RBFOX1: variants seen among roughly 807,000 people sequenced by gnomAD.
RBFOX1 encodes RNA binding protein fox-1 homolog 1.
A neutral mutation model predicts 57.7 loss-of-function variants in RBFOX1; 8 were observed. The ratio of observed to expected loss-of-function variants is 0.14; its 90% CI spans 0.08 to 0.25. RBFOX1 has a LOEUF of 0.25. Ranked by LOEUF, RBFOX1 falls within the 10% of genes least tolerant of loss-of-function variation. RBFOX1 has a pLI of 1.00. For missense variants in RBFOX1, 611 were observed against 548.5 expected (o/e 1.11, Z -1.14); for synonymous variants, 326 against 222.4 (o/e 1.47, Z -4.15).
At chr16:7,184,549 CAT>C (rs2083347899) in intron 4 of RBFOX1, among the ~76,000 whole-genome samples, 1 of 152,206 alleles carries the variant, frequency 6.6e-6, no homozygotes, top group African/African-American at 2.4e-5. Flanking sequence ...TGAAGTATGA[CAT>C]ATTGGCTGTG....
intron 5 of RBFOX1, among the ~76,000 whole-genome samples, chr16:7,563,346 A>C (rs2090882009): frequency 6.6e-6 from 1 of 152,248 alleles, no homozygotes; most frequent in Non-Finnish European, 1.5e-5. Flanking sequence ...AGAGAGGTTA[A>C]GTAACCTGCT....
rs986317734 is a variant in RBFOX1 at position 5,316,705 on chromosome 16, A to G, written c.219+76600A>G. 2.0e-5 allele frequency among the ~76,000 whole-genome samples: 3 copies of G among 152,214 alleles called. No homozygotes were observed. The East Asian group carries it at 5.8e-4, about 29-fold the overall frequency. ...TAGCTGGTGAAGCACTTTGTATTCT[A>G]AACCATTGCATTAATTATTCTCAAC... is the stretch of plus-strand genomic sequence containing the variant. On this transcript the variant is annotated intron_variant, in intron 1 of 2. Transcript: ENST00000585867.
chr16:5,867,537 C>T (rs966263613), intron 4 of RBFOX1, among the ~76,000 whole-genome samples: 5 of 151,852 alleles, frequency 3.3e-5, no homozygotes, highest in Non-Finnish European at 5.9e-5. Context: ...ATGGAGTGTG[C>T]GTGGTAAAGA....
intron 1 of RBFOX1, among the ~76,000 whole-genome samples, chr16:5,329,968 G>A (rs1596538985): frequency 1.5e-5 from 2 of 135,084 alleles, no homozygotes; most frequent in African/African-American, 5.5e-5. Flanking sequence ...GGGTGACAGA[G>A]CGAGACTCTG....
chr16:7,125,246 T>C (rs776481347), intron 4 of RBFOX1, among the ~76,000 whole-genome samples: 2 of 152,104 alleles, frequency 1.3e-5, no homozygotes, highest in Non-Finnish European at 2.9e-5. Flanking sequence ...AGATAGAACT[T>C]TGGGGTTGTC....
chr16:7,308,241 T>C (rs957786266), intron 4 of RBFOX1, among the ~76,000 whole-genome samples: 5 of 151,642 alleles, frequency 3.3e-5, no homozygotes, highest in Non-Finnish European at 7.4e-5. Flanking sequence ...ACAGACAGGA[T>C]GGATGATGAG....
chr16:7,089,642 T>C (rs1459708032), intron 4 of RBFOX1, among the ~76,000 whole-genome samples: 1 of 152,202 alleles, frequency 6.6e-6, no homozygotes, highest in Non-Finnish European at 1.5e-5. Flanking sequence ...CTCTTACATA[T>C]GTACATATTT....
At chr16:5,409,973 G>A (rs1447474062) in intron 1 of RBFOX1, among the ~76,000 whole-genome samples, 3 of 151,622 alleles carry the variant, frequency 2.0e-5, no homozygotes, top group Admixed American at 6.6e-5. Context: ...ATTTGATCCC[G>A]GGAGGCAGAG....
At chr16:7,303,611 G>A (rs2096086593) in intron 4 of RBFOX1, among the ~76,000 whole-genome samples, 1 of 152,068 alleles carries the variant, frequency 6.6e-6, no homozygotes, top group African/African-American at 2.4e-5. Context: ...GAAGGGGAGG[G>A]AAGGAAAAAA....
At chr16:7,340,594 A>C (rs2096873487) in intron 4 of RBFOX1, among the ~76,000 whole-genome samples, 1 of 152,192 alleles carries the variant, frequency 6.6e-6, no homozygotes, top group Non-Finnish European at 1.5e-5. Flanking sequence ...CACAATAATC[A>C]GTGCAAGATT....
intron 3 of RBFOX1, among the ~76,000 whole-genome samples, chr16:5,769,272 T>G (rs1410440048): frequency 6.6e-6 from 1 of 151,962 alleles, no homozygotes; most frequent in African/African-American, 2.4e-5. Context: ...AGACAGGGTG[T>G]TTATGGAGCT....
chr16:7,158,314 C>T (rs73546736), intron 4 of RBFOX1, among the ~76,000 whole-genome samples: 1 of 152,122 alleles, frequency 6.6e-6, no homozygotes, highest in Admixed American at 6.5e-5. Flanking sequence ...TCACTGCACT[C>T]TACCCTGGTC....
At chr16:5,419,360 G>T (rs950377391) in intron 1 of RBFOX1, among the ~76,000 whole-genome samples, 1 of 152,108 alleles carries the variant, frequency 6.6e-6, no homozygotes, top group Non-Finnish European at 1.5e-5. Flanking sequence ...CATCCAGCAC[G>T]AGAGAAAGAT....
chr16:6,934,929 T>C (rs2077126002), intron 3 of RBFOX1, among the ~76,000 whole-genome samples: 1 of 151,732 alleles, frequency 6.6e-6, no homozygotes, highest in African/African-American at 2.4e-5. Context: ...CTACCAAAAA[T>C]AGAAAAAAAT....
intron 3 of RBFOX1, among the ~76,000 whole-genome samples, chr16:6,691,076 C>CG (rs1227940888): frequency 1.3e-5 from 2 of 152,008 alleles, no homozygotes; most frequent in East Asian, 3.9e-4. Flanking sequence ...GTTAACATGA[C>CG]GATGTCACTG....
In RBFOX1 at chr16:6,052,092, C is replaced by A. The variant is rs966249534; in HGVS notation, c.-127+32100C>A. On this transcript the variant is annotated intron_variant, in intron 1 of 15. Transcript: ENST00000550418. ...ACAGGAAAGCAAAATAAAACCAAAA[C>A]TGGTCCTGCCATGCCCTTGTTCAGA... 6.6e-5 allele frequency among the ~76,000 whole-genome samples: 10 copies of A among 152,158 alleles called. No homozygotes were observed. The South Asian group carries it at 1.7e-3, about 25-fold the overall frequency.
At chr16:6,147,736 A>G (rs530340995) in intron 1 of RBFOX1, among the ~76,000 whole-genome samples, 6 of 152,352 alleles carry the variant, frequency 3.9e-5, no homozygotes, top group African/African-American at 7.2e-5. Flanking sequence ...CAGTCCTCGC[A>G]CCAAAATCTT....
intron 2 of RBFOX1, among the ~76,000 whole-genome samples, chr16:6,478,939 T>C (rs967332689): frequency 6.6e-5 from 10 of 152,110 alleles, no homozygotes; most frequent in African/African-American, 1.2e-4. Flanking sequence ...CCAAATGTGA[T>C]ACAAAAACAT....
At chr16:5,585,875 G>T (rs1164617464) in intron 2 of RBFOX1, among the ~76,000 whole-genome samples, 1 of 152,162 alleles carries the variant, frequency 6.6e-6, no homozygotes, top group East Asian at 1.9e-4. Flanking sequence ...GTGCTCTAGT[G>T]GGTTGAATAG....
Sources: allele counts gnomAD v4.1 joint callset (sites outside exome capture counted in the v4.1 genomes callset), GRCh38; gene constraint gnomAD v4.1.1; transcripts MANE v1.5; gene names NCBI Gene and HGNC (gene_info 2026-07-23, HGNC 2026-07-21).